PCDH7: variants seen among roughly 807,000 people sequenced by gnomAD.
PCDH7 encodes the protein protocadherin 7.
In PCDH7, 17 loss-of-function variants were observed where a neutral mutation model predicts 58.9. The ratio of observed to expected loss-of-function variants is 0.29; its 90% confidence interval spans 0.20 to 0.43. The LOEUF (loss-of-function observed/expected upper bound fraction) is 0.43, where lower values mean the gene tolerates loss of function less well. Among genes scored for constraint, PCDH7 ranks in the 20% least tolerant of loss-of-function variants. The pLI, the probability that PCDH7 is intolerant of heterozygous loss-of-function variation, is 1.00. For missense variants in PCDH7, 1,274 were observed against 1,441.0 expected, an observed-to-expected ratio of 0.88 and a Z score of 1.88; for synonymous variants, 664 against 616.4, an observed-to-expected ratio of 1.08 and a Z score of -1.14.
chr4:30,872,670 C>T (rs771507415), intron 1 of PCDH7, among the ~76,000 whole-genome samples: 6 of 152,018 alleles, frequency 3.9e-5, no homozygotes, highest in Non-Finnish European at 7.4e-5. Context: ...TCCTATAAAT[C>T]ATCCACACAA....
At chr4:31,002,696 A>G (rs879486331) in intron 3 of PCDH7, among the ~76,000 whole-genome samples, 3 of 152,212 alleles carry the variant, frequency 2.0e-5, no homozygotes, top group Admixed American at 2.0e-4. Context: ...TTTGGCATGA[A>G]ATAATTATTG....
At chr4:30,777,863 A>G (rs1027747573) in intron 1 of PCDH7, among the ~76,000 whole-genome samples, 1 of 152,170 alleles carries the variant, frequency 6.6e-6, no homozygotes, top group African/African-American at 2.4e-5. Context: ...GATTCATTCT[A>G]GTATACATTT....
chr4:30,963,393 A>C (rs1174029190), intron 3 of PCDH7, among the ~76,000 whole-genome samples: 1 of 152,184 alleles, frequency 6.6e-6, no homozygotes, highest in African/African-American at 2.4e-5. Context: ...GAAGTTTTCC[A>C]AGCTCTCCAT....
At chr4:31,089,245 A>T (rs1286028632) in intron 3 of PCDH7, among the ~76,000 whole-genome samples, 2 of 152,076 alleles carry the variant, frequency 1.3e-5, no homozygotes, top group African/African-American at 2.4e-5. Flanking sequence ...TATATTATAA[A>T]CCATAAAAAT....
chr4:31,122,912 T>G (rs1216120765), intron 3 of PCDH7, among the ~76,000 whole-genome samples: 1 of 152,036 alleles, frequency 6.6e-6, no homozygotes, highest in African/African-American at 2.4e-5. Context: ...CACAAAAGAT[T>G]AAGTTTCAGT....
intron 1 of PCDH7, among the ~76,000 whole-genome samples, chr4:30,762,979 A>T (rs988437045): frequency 5.9e-5 from 9 of 152,206 alleles, no homozygotes; most frequent in Admixed American, 5.2e-4. Context: ...ATGGTGGCTC[A>T]TGCCTGCAAT....
intron 3 of PCDH7, among the ~76,000 whole-genome samples, chr4:31,052,906 T>A (rs992257199): frequency 6.6e-6 from 1 of 152,130 alleles, no homozygotes; most frequent in Non-Finnish European, 1.5e-5. Context: ...TATGTAACAA[T>A]TTTTTCTCCT....
intron 3 of PCDH7, among the ~76,000 whole-genome samples, chr4:31,064,304 G>A (rs764513041): frequency 6.6e-6 from 1 of 151,878 alleles, no homozygotes; most frequent in Non-Finnish European, 1.5e-5. Context: ...CCAGATATAG[G>A]AACCTTTAAA....
intron 1 of PCDH7, among the ~76,000 whole-genome samples, chr4:30,847,601 C>T (rs530494468): frequency 3.3e-5 from 5 of 152,170 alleles, no homozygotes; most frequent in Non-Finnish European, 5.9e-5. Context: ...TTTTTTCATA[C>T]ATAAGATAGA....
At chr4:31,103,088 C>G (rs1421807099) in intron 3 of PCDH7, among the ~76,000 whole-genome samples, 1 of 152,086 alleles carries the variant, frequency 6.6e-6, no homozygotes, top group Non-Finnish European at 1.5e-5. Flanking sequence ...ATTTTCTGGT[C>G]AAATATTTAA....
intron 1 of PCDH7, among the ~76,000 whole-genome samples, chr4:30,894,478 AAAAAAAAAAAAAATATATATAT>A (rs1340423545): frequency 0.016 from 864 of 53,318 alleles, 12 homozygotes; most frequent in Non-Finnish European, 0.022. Flanking sequence ...AAAAAAAAAA[AAAAAAAAAAAAAATATATATAT>A]ATATATATAT....
chr4:30,738,337 A>T (rs780292924), intron 1 of PCDH7, among the ~76,000 whole-genome samples: 5 of 152,092 alleles, frequency 3.3e-5, no homozygotes, highest in Admixed American at 6.5e-5. Flanking sequence ...ATTTTAAAGG[A>T]AACTTTCCTT....
At chr4:30,959,679 C>T (rs1748202742) in intron 3 of PCDH7, among the ~76,000 whole-genome samples, 1 of 152,116 alleles carries the variant, frequency 6.6e-6, no homozygotes, top group South Asian at 2.1e-4. Flanking sequence ...GGCCCTGTGA[C>T]CATGACATCT....
chr4:31,090,268 ATGTT>A (rs1455768796), intron 3 of PCDH7, among the ~76,000 whole-genome samples: 1 of 152,012 alleles, frequency 6.6e-6, no homozygotes, highest in Non-Finnish European at 1.5e-5. Context: ...TTTTTAGAAA[ATGTT>A]TATTTTTAAT....
chr4:30,764,461 T>A (rs958531679), intron 1 of PCDH7, among the ~76,000 whole-genome samples: 4 of 152,244 alleles, frequency 2.6e-5, no homozygotes, highest in African/African-American at 4.8e-5. Flanking sequence ...TCATTTATCA[T>A]TTATCCCAAG....
intron 3 of PCDH7, among the ~76,000 whole-genome samples, chr4:31,100,696 C>T (rs1196743539): frequency 6.6e-6 from 1 of 152,128 alleles, no homozygotes; most frequent in African/African-American, 2.4e-5. Context: ...CTCCTGGCTC[C>T]CTCTTTAGGA....
chr4:30,898,076 A>G (rs978019535), intron 1 of PCDH7, among the ~76,000 whole-genome samples: 1 of 152,188 alleles, frequency 6.6e-6, no homozygotes, highest in Non-Finnish European at 1.5e-5. Context: ...AGTAAGATAA[A>G]TTATACATTA....
At chr4:30,843,549 G>A (rs571933576) in intron 1 of PCDH7, among the ~76,000 whole-genome samples, 1 of 152,208 alleles carries the variant, frequency 6.6e-6, no homozygotes, top group Admixed American at 6.5e-5. Flanking sequence ...AGGATGTAGC[G>A]ATTACTTGCA....
At chr4:30,930,050 G>A (rs761934681) in intron 2 of PCDH7, among the ~76,000 whole-genome samples, 9 of 152,124 alleles carry the variant, frequency 5.9e-5, no homozygotes, top group Non-Finnish European at 1.3e-4. Flanking sequence ...TGTTTGCTAA[G>A]CATTTAAATA....
Sources: allele counts gnomAD v4.1 joint callset (sites outside exome capture counted in the v4.1 genomes callset), GRCh38; gene constraint gnomAD v4.1.1; transcripts MANE v1.5; gene names NCBI Gene and HGNC (gene_info 2026-07-23, HGNC 2026-07-21).